The following CSGALNACT1 variants were observed in gnomAD, a reference collection of about 807,000 sequenced individuals.
CSGALNACT1 encodes the protein beta4GalNAcT-1.
In CSGALNACT1, 52 loss-of-function variants were observed where a neutral mutation model predicts 51.0. The ratio of observed to expected loss-of-function variants is 1.02; its 90% CI spans 0.82 to 1.29. CSGALNACT1 has a LOEUF of 1.29. Ranked by LOEUF, CSGALNACT1 falls within the 50% of genes most tolerant of loss-of-function variation. CSGALNACT1 has a pLI of 0.00. For synonymous variants in CSGALNACT1, 341 were observed against 254.4 expected (o/e 1.34, Z -3.24); for missense variants, 935 against 679.2 (o/e 1.38, Z -4.19).
At chr8:19,636,531 T>C (rs971221395) in intron 1 of CSGALNACT1, among the ~76,000 whole-genome samples, 2 of 152,180 alleles carry the variant, frequency 1.3e-5, no homozygotes, top group African/African-American at 4.8e-5. Context: ...CAGTTTTTTA[T>C]ATTCTATGCT....
At chr8:19,721,190 T>C (rs1433758744) in intron 1 of CSGALNACT1, among the ~76,000 whole-genome samples, 1 of 152,200 alleles carries the variant, frequency 6.6e-6, no homozygotes. Flanking sequence ...GATTTTTCTC[T>C]TGAGTCCTAG....
chr8:19,545,264 T>G (rs2086200213), intron 3 of CSGALNACT1, among the ~76,000 whole-genome samples: 1 of 152,170 alleles, frequency 6.6e-6, no homozygotes, highest in Admixed American at 6.5e-5. Context: ...GAGGATGTCC[T>G]TGTGGTTGAG....
At chr8:19,646,555 T>C (rs2057297939) in intron 1 of CSGALNACT1, among the ~76,000 whole-genome samples, 1 of 152,198 alleles carries the variant, frequency 6.6e-6, no homozygotes, top group Admixed American at 6.5e-5. Flanking sequence ...CAGCCCCTTA[T>C]ATTGGTATAG....
chr8:19,672,566 A>T (rs547976521), intron 1 of CSGALNACT1, among the ~76,000 whole-genome samples: 7 of 152,218 alleles, frequency 4.6e-5, no homozygotes, highest in Non-Finnish European at 1.0e-4. Flanking sequence ...TGACTATCTA[A>T]TATAAATGCT....
chr8:19,652,163 C>T (rs2057871591), intron 1 of CSGALNACT1, among the ~76,000 whole-genome samples: 1 of 151,982 alleles, frequency 6.6e-6, no homozygotes, highest in South Asian at 2.1e-4. Context: ...GTTGCCCAGG[C>T]TGCTCTTAAA....
chr8:19,652,569 T>C (rs2057908262), intron 1 of CSGALNACT1, among the ~76,000 whole-genome samples: 2 of 152,260 alleles, frequency 1.3e-5, no homozygotes, highest in African/African-American at 2.4e-5. Context: ...CTTCTGTCTA[T>C]TGCCTCTTTC....
At chr8:19,640,028 GCAC>G (rs1321967755) in intron 1 of CSGALNACT1, among the ~76,000 whole-genome samples, 3 of 151,662 alleles carry the variant, frequency 2.0e-5, no homozygotes, top group Non-Finnish European at 4.4e-5. Flanking sequence ...GACTACAGGC[GCAC>G]CACCATGCCC....
exon 4 of CSGALNACT1, chr8:19,505,482 G>T: frequency 6.2e-7 from 1 of 1,614,142 alleles, no homozygotes; most frequent in Non-Finnish European, 8.5e-7. Flanking sequence ...CAGGAGGTCG[G>T]CCTGGGTTTT....
At position 19,565,673 on chromosome 8, in the gene CSGALNACT1, C is replaced by G. The variant is rs555108455; in HGVS notation, c.-297+25487G>C. Among the ~76,000 whole-genome samples, 4 of 152,314 alleles carry G rather than the reference C, an allele frequency of 2.6e-5. No homozygotes were observed. The South Asian group carries it at 8.3e-4, about 32-fold the overall frequency. Reference sequence around the variant, plus strand: ...GTGGCTCACACCTGTAATCCCAGCACTTTGGGAGGCCAAGGTGGGTGGATC... The same window carrying G: ...GTGGCTCACACCTGTAATCCCAGCAGTTTGGGAGGCCAAGGTGGGTGGATC... On this transcript the variant is annotated intron_variant, in intron 3 of 9. Transcript: ENST00000454498.
At chr8:19,573,097 G>C (rs1452562250) in intron 3 of CSGALNACT1, among the ~76,000 whole-genome samples, 3 of 152,170 alleles carry the variant, frequency 2.0e-5, no homozygotes, top group Non-Finnish European at 4.4e-5. Context: ...CATTTAAAAG[G>C]ATACACTCCC....
chr8:19,505,141 G>A, intron 4 of CSGALNACT1, 60 bp downstream of exon 3: 2 of 1,600,838 alleles, frequency 1.2e-6, no homozygotes, highest in South Asian at 1.1e-5. Context: ...AACCTGCCTG[G>A]GTGCCAGGAA....
chr8:19,616,387 C>T (rs996487722), intron 1 of CSGALNACT1, among the ~76,000 whole-genome samples: 1 of 152,066 alleles, frequency 6.6e-6, no homozygotes, highest in African/African-American at 2.4e-5. Context: ...TCCCAAGGTA[C>T]TGATGAGGGG....
chr8:19,563,014 C>G (rs1394060261), intron 3 of CSGALNACT1, among the ~76,000 whole-genome samples: 1 of 152,154 alleles, frequency 6.6e-6, no homozygotes, highest in African/African-American at 2.4e-5. Flanking sequence ...ATAGCAAAGA[C>G]ATAGAATCAA....
chr8:19,691,205 G>T (rs1310266236), intron 1 of CSGALNACT1, among the ~76,000 whole-genome samples: 1 of 152,190 alleles, frequency 6.6e-6, no homozygotes, highest in Admixed American at 6.5e-5. Flanking sequence ...TGAGTGTGGG[G>T]GTAATGCTCC....
intron 1 of CSGALNACT1, among the ~76,000 whole-genome samples, chr8:19,712,992 C>T (rs1003927495): frequency 6.6e-6 from 1 of 152,184 alleles, no homozygotes; most frequent in South Asian, 2.1e-4. Context: ...CGAAAAAATA[C>T]TATTTTCACA....
intron 3 of CSGALNACT1, among the ~76,000 whole-genome samples, chr8:19,509,274 C>T (rs1345299601): frequency 6.6e-6 from 1 of 152,140 alleles, no homozygotes; most frequent in African/African-American, 2.4e-5. Context: ...CGGATTCTTG[C>T]TTCTGTGAAG....
intron 6 of CSGALNACT1, among the ~76,000 whole-genome samples, chr8:19,425,839 C>T (rs80031256): frequency 0.015 from 2,230 of 152,248 alleles, 50 homozygotes; most frequent in African/African-American, 0.051. Context: ...CCCTCAAATA[C>T]GCGCTCTGCA....
chr8:19,749,480 C>T (rs1260532822), intron 1 of CSGALNACT1, among the ~76,000 whole-genome samples: 1 of 152,156 alleles, frequency 6.6e-6, no homozygotes, highest in African/African-American at 2.4e-5. Context: ...GCTTCCTGCT[C>T]CTGGCTGAGG....
At chr8:19,495,569 G>T (rs995627331) in intron 4 of CSGALNACT1, among the ~76,000 whole-genome samples, 1 of 152,162 alleles carries the variant, frequency 6.6e-6, no homozygotes, top group African/African-American at 2.4e-5. Context: ...CAGGGAGGAG[G>T]CTGGAGAGGA....
Sources: allele counts gnomAD v4.1 joint callset (sites outside exome capture counted in the v4.1 genomes callset), GRCh38; gene constraint gnomAD v4.1.1; transcripts MANE v1.5; gene names NCBI Gene and HGNC (gene_info 2026-07-23, HGNC 2026-07-21).